GSG1: variants seen among roughly 807,000 people sequenced by gnomAD.
GSG1 encodes the protein germ cell associated 1.
A neutral mutation model predicts 30.8 loss-of-function variants in GSG1; 28 were observed. The ratio of observed to expected loss-of-function variants is 0.91; its 90% CI spans 0.67 to 1.25. The LOEUF is 1.25. Among genes scored for constraint, GSG1 ranks in the 50% most tolerant of loss-of-function variants. GSG1 has a pLI of 0.00. For missense variants in GSG1, 435 were observed against 444.7 expected, an observed-to-expected ratio of 0.98 and a Z score of 0.20; for synonymous variants, 162 against 178.0, an observed-to-expected ratio of 0.91 and a Z score of 0.71.
chr12:13,088,093 C>G (rs1865715800), intron 4 of GSG1, 34 bp from the exon 5 acceptor site: 3 of 1,612,854 alleles, frequency 1.9e-6, no homozygotes, highest in South Asian at 2.2e-5. Context: ...GAGCGCTCAC[C>G]CTGACAGTTA....
In GSG1 at chr12:13,090,615, T is replaced by A. The variant is rs753886021; in HGVS notation, c.252A>T (p.Thr84=). 7 of 1,614,060 alleles carry A rather than the reference T, an allele frequency of 4.3e-6. No individual in the cohort carries two copies. The highest frequency in any genetic ancestry group is 5.9e-6 in the Non-Finnish European group (7 of 1,179,996). The change falls in exon 2 of 7, where the codon ACA becomes ACT. Residue 84 remains threonine, a synonymous_variant. Coordinates refer to ENST00000651961, the MANE Select transcript of GSG1 (RefSeq NM_001080555.4). ...MPVSLDGDTN[T]STQEVVQYNW... is the part of the protein sequence containing the mutation. Reference sequence around the variant, plus strand: ...TGTATTGTACCACCTCCTGGGTGGATGTGTTGGTATCTCCATCCAGGGACA... The same window carrying A: ...TGTATTGTACCACCTCCTGGGTGGAAGTGTTGGTATCTCCATCCAGGGACA...
At chr12:13,089,497 C>A (rs1354070585) in intron 2 of GSG1, 2 of 620,916 alleles carry the variant, frequency 3.2e-6, no homozygotes, top group Non-Finnish European at 5.3e-6. Context: ...TTCCTCCAAA[C>A]CTGAGGAACG....
rs1866006670 is a variant in GSG1 at position 13,090,643 on chromosome 12, G to A, written c.224C>T (p.Pro75Leu). The change falls in exon 2 of 7, where the codon CCA (proline) becomes CTA (leucine). Residue 75 changes from proline (P) to leucine (L), a missense_variant. By Grantham distance (98) the Pro-to-Leu change is moderately conservative. Coordinates refer to ENST00000651961, the MANE Select transcript of GSG1 (RefSeq NM_001080555.4). ...KGLAAKCFDM[P>L]VSLDGDTNTS... ...GTTGGTATCTCCATCCAGGGACACT[G>A]GCATGTCAAAGCACTTGGCTGCCAG... 6.2e-7 allele frequency: 1 copy of A among 1,614,210 alleles called. No homozygotes were observed. The highest frequency in any genetic ancestry group is 1.6e-4 in the Middle Eastern group (1 of 6,062).
At position 13,085,202 on chromosome 12, in the gene GSG1, AC is replaced by A. The variant is rs1434693665; in HGVS notation, c.787del (p.Val263SerfsTer50). 1 of 1,612,658 alleles carries A rather than the reference AC, an allele frequency of 6.2e-7. No individual in the cohort carries two copies. Among genetic ancestry groups the A allele is most frequent in the Admixed American group, 1.7e-5 (1 of 59,966 alleles). On this transcript the variant is annotated frameshift_variant, in exon 7 of 7. Coordinates refer to ENST00000651961, the MANE Select transcript of GSG1 (RefSeq NM_001080555.4). LOFTEE classifies it low-confidence loss of function (END_TRUNC). Reference sequence around the variant, plus strand: ...CCTGGTGTACGTGTTGAAGGTGGTGACAGCCGACGCCATGCAGCAGGTGAAG... The same window carrying A: ...CCTGGTGTACGTGTTGAAGGTGGTGAAGCCGACGCCATGCAGCAGGTGAAG... ...LSFTCCMASA[V>X]TTFNTYTRMV...
At position 13,085,072 on chromosome 12, in the gene GSG1, G is replaced by T. The variant is rs1465947348; in HGVS notation, c.918C>A (p.Ala306=). 2 of 1,610,802 alleles carry T rather than the reference G, an allele frequency of 1.2e-6. No individual in the cohort carries two copies. Among genetic ancestry groups the T allele is most frequent in the African/African-American group, 1.3e-5 (1 of 74,964 alleles). ...QCFPRRLSSA[A]PTVGPLTSYH... ...AGCTGGTCAAAGGACCCACGGTGGG[G>T]GCTGCACTTGACAGCCGCCGAGGGA... Residue 306 remains alanine (A), a synonymous_variant, in exon 7 of 7, where the codon GCC becomes GCA. Coordinates refer to ENST00000651961, the MANE Select transcript of GSG1 (RefSeq NM_001080555.4).
rs771887535 is a variant in GSG1, at chr12:13,098,456, ATTTTTTTTTTTTTTTTTTTT to A, written c.48+4989_48+5008del. 3.0e-4 allele frequency among the ~76,000 whole-genome samples: 14 copies of A among 47,402 alleles called. 1 individual carries two copies. The highest frequency in any genetic ancestry group is 8.9e-4 in the Admixed American group (3 of 3,368). The allele number at this position is 47,402 out of a possible 152,430, so 31.1% of individuals were successfully genotyped here. On this transcript the variant is annotated intron_variant, in intron 1 of 6. Coordinates refer to ENST00000651961, the MANE Select transcript of GSG1 (RefSeq NM_001080555.4). ...CTTGTAGGATTGTTTCATGTAGCCC[ATTTTTTTTTTTTTTTTTTTT>A]TTTTTTTTTTTTTTTTGGGCGGCCA...
intron 1 of GSG1, among the ~76,000 whole-genome samples, chr12:13,092,720 G>A (rs563946925): frequency 9.2e-5 from 14 of 152,138 alleles, no homozygotes; most frequent in Admixed American, 5.9e-4. Flanking sequence ...AAACTGCTGA[G>A]TAAATTGAGG....
intron 1 of GSG1, among the ~76,000 whole-genome samples, chr12:13,092,090 A>G (rs1034029348): frequency 1.3e-5 from 2 of 152,252 alleles, no homozygotes; most frequent in Admixed American, 6.5e-5. Context: ...CAGAAGTAGG[A>G]TAAAGGTGAT....
rs552857898 is a variant in GSG1, at chr12:13,088,909, C to T, written c.434G>A (p.Gly145Glu). The T allele has an allele frequency of 5.0e-6, 8 of 1,614,146 alleles. No homozygotes were observed. Among genetic ancestry groups the T allele is most frequent in the South Asian group, 4.4e-5 (4 of 91,072 alleles). ...TTCAATGAAACTTCGGCACCTCTCC[C>T]CTGAAACATACAAGGTACAACGTCA... The part of the protein sequence containing the change: ...LRSSGTAAAK[G>E]ERCRSFIELT... The change falls in exon 4 of 7, where the codon GGG becomes GAG. Residue 145 changes from glycine to glutamate, a missense_variant and splice_region_variant. Physicochemically the swap from Gly to Glu is moderately conservative, Grantham distance 98 (BLOSUM62 -2). Coordinates refer to ENST00000651961, the MANE Select transcript of GSG1 (RefSeq NM_001080555.4).
chr12:13,100,340 C>A (rs976193727), intron 1 of GSG1, among the ~76,000 whole-genome samples: 2 of 152,216 alleles, frequency 1.3e-5, no homozygotes, highest in Admixed American at 6.5e-5. Context: ...CACAGGCACA[C>A]CCTAAGCCTT....
chr12:13,087,258 G>T lies in GSG1; in HGVS notation c.640C>A (p.Leu214Met). 1 of 1,612,368 alleles carries T rather than the reference G, an allele frequency of 6.2e-7. No individual in the cohort carries two copies. The highest frequency in any genetic ancestry group is 8.5e-7 in the Non-Finnish European group (1 of 1,178,410). The part of the protein sequence containing the change: ...AAVSSVLSGL[L>M]GMVAHMMYSQ... ...TACATCATGTGGGCCACCATCCCCA[G>T]GAGACCTACCAAGGAAACAGGAAGG... The change falls in exon 6 of 7, where the codon CTG becomes ATG. Residue 214 changes from leucine (L) to methionine (M), a missense_variant. By Grantham distance (15) the Leu-to-Met change is conservative. Coordinates refer to ENST00000651961, the MANE Select transcript of GSG1 (RefSeq NM_001080555.4).
At chr12:13,092,509 A>G (rs935754645) in intron 1 of GSG1, among the ~76,000 whole-genome samples, 2 of 152,182 alleles carry the variant, frequency 1.3e-5, no homozygotes, top group African/African-American at 4.8e-5. Flanking sequence ...AGCACCTTCC[A>G]TGGGAAGTGA....
intron 3 of GSG1, 121 bp from the exon 4 acceptor site, chr12:13,089,030 C>G (rs944892492): frequency 7.6e-7 from 1 of 1,311,486 alleles, no homozygotes; most frequent in East Asian, 2.4e-5. Context: ...CCGCATAGAG[C>G]AGGAAAGCAG....
Position 13,085,126 on chromosome 12 carries a change from C to T in GSG1, c.864G>A (p.Pro288=), listed in dbSNP as rs965546168. Residue 288 remains proline (P), a synonymous_variant, in exon 7 of 7, where the codon CCG becomes CCA. Transcript: ENST00000651961. ...CKHSKSFKEN[P]NCLPHHHQCF... ...ACTGATGGTGATGTGGTAGGCAGTT[C>T]GGGTTTTCCTTGAAGCTCTTACTAT... is the stretch of plus-strand genomic sequence containing the variant. 15 of 1,614,046 alleles carry T rather than the reference C, an allele frequency of 9.3e-6. No individual in the cohort carries two copies. Among genetic ancestry groups the T allele is most frequent in the African/African-American group, 5.3e-5 (4 of 74,920 alleles).
intron 1 of GSG1, among the ~76,000 whole-genome samples, chr12:13,102,193 C>A (rs1299983421): frequency 1.3e-5 from 2 of 152,196 alleles, no homozygotes; most frequent in Admixed American, 6.5e-5. Context: ...AAAGTCAACA[C>A]TGGCAATCTT....
chr12:13,084,871 T>C lies in GSG1; in HGVS notation c.*30A>G, dbSNP rs1865352003. ...AATCAGCAGACGTGTAAGGTAGGGC[T>C]CAAGCCTACTCCCCAAACCCGCTTA... is the stretch of plus-strand genomic sequence containing the variant. On this transcript the variant is annotated 3_prime_UTR_variant, in exon 7 of 7. Coordinates refer to ENST00000651961, the MANE Select transcript of GSG1 (RefSeq NM_001080555.4). 4 of 1,433,144 alleles carry C rather than the reference T, an allele frequency of 2.8e-6. No individual in the cohort carries two copies. Among genetic ancestry groups the C allele is most frequent in the Non-Finnish European group, 3.8e-6 (4 of 1,053,998 alleles). 88.8% of individuals were successfully genotyped at this position (1,433,144 alleles called of 1,614,324 possible).
intron 2 of GSG1, 151 bp downstream of exon 2, chr12:13,090,352 G>A: frequency 1.5e-6 from 1 of 656,560 alleles, no homozygotes. Context: ...GTTCTGTGCT[G>A]GGAGAAGGGA....
At chr12:13,087,032 G>T in intron 6 of GSG1, 120 bp downstream of exon 6, 1 of 657,584 alleles carries the variant, frequency 1.5e-6, no homozygotes. Context: ...TGGTTGACAG[G>T]CTCTTGGGAT....
intron 2 of GSG1, 41 bp downstream of exon 2, chr12:13,090,462 G>T: frequency 2.6e-6 from 4 of 1,559,766 alleles, no homozygotes; most frequent in Non-Finnish European, 3.5e-6. Flanking sequence ...TCCCTTGCCC[G>T]CCCTGACCCC....
Sources: allele counts gnomAD v4.1 joint callset (sites outside exome capture counted in the v4.1 genomes callset), GRCh38; gene constraint gnomAD v4.1.1; transcripts MANE v1.5; gene names NCBI Gene and HGNC (gene_info 2026-07-23, HGNC 2026-07-21).